The following CLEC2B variants were observed in gnomAD, a reference collection of about 807,000 sequenced individuals.
CLEC2B encodes the protein C-type (calcium dependent, carbohydrate-recognition domain) lectin, superfamily member 2 (activation-induced).
CLEC2B carries 14 observed loss-of-function variants against 16.2 expected under a neutral mutation model. The ratio of observed to expected loss-of-function variants is 0.86; its 90% CI spans 0.57 to 1.35. CLEC2B has a LOEUF of 1.35. CLEC2B is among the 40% of genes most tolerant of loss of function. CLEC2B has a pLI of 0.00. For missense variants in CLEC2B, 166 were observed against 182.3 expected (o/e 0.91, Z 0.52); for synonymous variants, 42 against 55.8 (o/e 0.75, Z 1.10).
chr12:9,855,208 T>C (rs1173191810), intron 3 of CLEC2B, among the ~76,000 whole-genome samples: 4 of 152,062 alleles, frequency 2.6e-5, no homozygotes, highest in Non-Finnish European at 4.4e-5. Flanking sequence ...CTTTTCAATT[T>C]AAGAGAAATA....
At position 9,862,438 on chromosome 12, in the gene CLEC2B, C is replaced by T. The variant is rs994840847; in HGVS notation, c.73+61G>A. ...TACTGAGAAAAGATCATGACTGAGACAGAAAGGAATAGGATCACACATAGA... is the reference window on the plus strand; with the variant it reads ...TACTGAGAAAAGATCATGACTGAGATAGAAAGGAATAGGATCACACATAGA... On this transcript the variant is annotated intron_variant, in intron 2 of 4. Coordinates refer to ENST00000228438, the MANE Select transcript of CLEC2B (RefSeq NM_005127.3). 1.2e-5 allele frequency: 16 copies of T among 1,330,344 alleles called. 1 individual carries two copies. The Admixed American group carries it at 3.9e-4, about 32-fold the overall frequency. The allele number at this position is 1,330,344 out of a possible 1,614,324, so 82.4% of individuals were successfully genotyped here.
chr12:9,858,325 A>G (rs1193193100), intron 2 of CLEC2B, among the ~76,000 whole-genome samples: 3 of 152,048 alleles, frequency 2.0e-5, no homozygotes, highest in Non-Finnish European at 1.5e-5. Flanking sequence ...TTTCTCCTCC[A>G]GCTTGTAGCA....
intron 2 of CLEC2B, among the ~76,000 whole-genome samples, chr12:9,862,242 T>C (rs780244032): frequency 1.3e-5 from 2 of 152,050 alleles, no homozygotes; most frequent in African/African-American, 2.4e-5. Context: ...GAAGTCAAGA[T>C]AGTGATTAAC....
intron 2 of CLEC2B, among the ~76,000 whole-genome samples, chr12:9,861,518 G>A (rs1867932796): frequency 6.6e-6 from 1 of 152,072 alleles, no homozygotes; most frequent in Non-Finnish European, 1.5e-5. Flanking sequence ...TAATCTATGC[G>A]TATTCTGTGC....
At chr12:9,862,153 A>G (rs1867937643) in intron 2 of CLEC2B, among the ~76,000 whole-genome samples, 1 of 152,114 alleles carries the variant, frequency 6.6e-6, no homozygotes, top group African/African-American at 2.4e-5. Flanking sequence ...TGCAAATTGT[A>G]TATTGTATTT....
At chr12:9,865,472 C>A (rs1231383520) in intron 1 of CLEC2B, among the ~76,000 whole-genome samples, 1 of 152,068 alleles carries the variant, frequency 6.6e-6, no homozygotes, top group Admixed American at 6.6e-5. Flanking sequence ...TATGACAGTT[C>A]TAAAAATCTA....
At chr12:9,857,380 T>G in intron 3 of CLEC2B, 94 bp downstream of exon 3, 1 of 896,684 alleles carries the variant, frequency 1.1e-6, no homozygotes. Context: ...TAGATAGGCA[T>G]GAGTGAAAAG....
chr12:9,863,510 T>A (rs1228948836), intron 1 of CLEC2B, among the ~76,000 whole-genome samples: 2 of 152,040 alleles, frequency 1.3e-5, no homozygotes, highest in Non-Finnish European at 2.9e-5. Context: ...GTACCAAGAA[T>A]TCAAAATAGT....
chr12:9,859,076 C>T (rs571781631), intron 2 of CLEC2B, among the ~76,000 whole-genome samples: 37 of 151,954 alleles, frequency 2.4e-4, no homozygotes, highest in African/African-American at 8.2e-4. Context: ...TGTTCTTTCT[C>T]AAAACACAGT....
In CLEC2B at chr12:9,857,465, ATTAC is replaced by A; in HGVS notation, c.237+5_237+8del. On this transcript the variant is annotated splice_donor_5th_base_variant and intron_variant, in intron 3 of 4. Coordinates refer to ENST00000228438, the MANE Select transcript of CLEC2B (RefSeq NM_005127.3). The stretch of plus-strand genomic sequence containing the variant: ...AAAATTCACAAAGAATGTATATTAA[ATTAC>A]TTACCATTTCTTCTATGTTGTCAAT... 3 of 1,589,062 alleles carry A rather than the reference ATTAC, an allele frequency of 1.9e-6. No individual in the cohort carries two copies. Among genetic ancestry groups the A allele is most frequent in the Non-Finnish European group, 2.6e-6 (3 of 1,159,886 alleles).
At chr12:9,864,909 G>A (rs1280255379) in intron 1 of CLEC2B, among the ~76,000 whole-genome samples, 1 of 152,154 alleles carries the variant, frequency 6.6e-6, no homozygotes, top group East Asian at 1.9e-4. Flanking sequence ...CAGGCCGGGT[G>A]CAGTGGCTCA....
rs1218947393 is a variant in CLEC2B, at chr12:9,853,304, T to C, written c.446A>G (p.His149Arg). The change falls in exon 5 of 5, where the codon CAC becomes CGC. Residue 149 changes from histidine to arginine, a missense_variant. By Grantham distance (29) the His-to-Arg change is conservative. Transcript: ENST00000228438. ...CCCATTATCTTAGACATTAACTTAG[T>C]GTATTCTTTTCCTGCAAATCCATTT... ...ERKWICRKRI[H>R] 1 of 1,596,518 alleles carries C rather than the reference T, an allele frequency of 6.3e-7. No homozygotes were observed. Among genetic ancestry groups the C allele is most frequent in the Non-Finnish European group, 8.6e-7 (1 of 1,164,114 alleles).
intron 1 of CLEC2B, 27 bp downstream of exon 1, chr12:9,869,178 A>G (rs1261923901): frequency 6.6e-6 from 1 of 152,170 alleles, no homozygotes; most frequent in African/African-American, 2.4e-5. Context: ...AATAACGGTC[A>G]TTCTAAACAA....
intron 1 of CLEC2B, among the ~76,000 whole-genome samples, chr12:9,864,474 A>T (rs1481774899): frequency 1.3e-5 from 2 of 152,252 alleles, no homozygotes; most frequent in Non-Finnish European, 2.9e-5. Flanking sequence ...AGATAAATCT[A>T]TCAAGAACAA....
chr12:9,860,866 T>C (rs1484561733), intron 2 of CLEC2B, among the ~76,000 whole-genome samples: 5 of 151,864 alleles, frequency 3.3e-5, no homozygotes, highest in African/African-American at 1.2e-4. Context: ...GAAAGTATAG[T>C]CTTTTTAATA....
At chr12:9,866,929 C>A (rs1867974585) in intron 1 of CLEC2B, 2 of 152,078 alleles carry the variant, frequency 1.3e-5, no homozygotes. Flanking sequence ...AAATAGGAGC[C>A]CTTTCCATTG....
At chr12:9,854,786 G>A in intron 3 of CLEC2B, 1 of 437,808 alleles carries the variant, frequency 2.3e-6, no homozygotes, top group Non-Finnish European at 4.0e-6. Context: ...AGACAAGTTT[G>A]AAATTGAGCT....
intron 1 of CLEC2B, among the ~76,000 whole-genome samples, chr12:9,867,898 A>G (rs115101721): frequency 0.036 from 5,546 of 152,130 alleles, 134 homozygotes; most frequent in African/African-American, 0.058. Context: ...AGAGTGACCA[A>G]TGCATTTAAA....
intron 3 of CLEC2B, chr12:9,857,019 T>C (rs555850044): frequency 6.5e-6 from 1 of 153,940 alleles, no homozygotes; most frequent in South Asian, 2.0e-4. Flanking sequence ...TAGGAGGAAA[T>C]TTTGATTTTC....
Sources: gnomAD v4.1 joint callset for allele counts (sites outside exome capture counted in the v4.1 genomes callset) on GRCh38, gnomAD v4.1.1 for gene constraint, MANE v1.5 for transcripts, NCBI Gene and HGNC (gene_info 2026-07-23, HGNC 2026-07-21) for gene names.